The following IFT43 variants were observed in gnomAD, a reference collection of about 807,000 sequenced individuals.
IFT43 encodes the protein intraflagellar transport 43.
In IFT43, 33 loss-of-function variants were observed where a neutral mutation model predicts 32.3. The ratio of observed to expected loss-of-function variants is 1.02; its 90% CI spans 0.77 to 1.37. IFT43 has a LOEUF of 1.37. Ranked by LOEUF, IFT43 falls within the 40% of genes most tolerant of loss-of-function variation. The pLI is 0.00. For synonymous variants in IFT43, 93 were observed against 98.2 expected, an observed-to-expected ratio of 0.95 and a Z score of 0.31; for missense variants, 274 against 265.9, an observed-to-expected ratio of 1.03 and a Z score of -0.21.
At chr14:76,077,958 C>T (rs886980038) in intron 5 of IFT43, among the ~76,000 whole-genome samples, 1 of 152,206 alleles carries the variant, frequency 6.6e-6, no homozygotes, top group African/African-American at 2.4e-5. Context: ...CCTAATCCCA[C>T]ACCCCCAAAT....
In IFT43 at chr14:76,080,208, C is replaced by T. The variant is rs138647516; in HGVS notation, c.296-2087C>T. Reference sequence around the variant, plus strand: ...CATCGCTGGCTCTGTCCCACTCAGGCGGTTCACCGGGTTCTGCTGGGCACC... The same window carrying T: ...CATCGCTGGCTCTGTCCCACTCAGGTGGTTCACCGGGTTCTGCTGGGCACC... On this transcript the variant is annotated intron_variant, in intron 5 of 8. Coordinates refer to ENST00000314067, the MANE Select transcript of IFT43 (RefSeq NM_001102564.3). Among the ~76,000 whole-genome samples, 13 of 152,290 alleles carry T rather than the reference C, an allele frequency of 8.5e-5. No individual in the cohort carries two copies. The East Asian group carries it at 2.5e-3, about 29-fold the overall frequency.
chr14:75,999,262 TATATATATATGTATA>T (rs2035826691), intron 2 of IFT43, among the ~76,000 whole-genome samples: 6 of 25,266 alleles, frequency 2.4e-4, no homozygotes, highest in South Asian at 1.6e-3. Context: ...TATATATATA[TATATATATATGTATA>T]TATATTTTTT....
At chr14:76,060,704 A>G (rs1010734137) in intron 5 of IFT43, among the ~76,000 whole-genome samples, 5 of 152,002 alleles carry the variant, frequency 3.3e-5, no homozygotes, top group Non-Finnish European at 7.4e-5. Flanking sequence ...TGAAAATGTC[A>G]TCTTCAACTT....
In IFT43 at chr14:76,076,689, C is replaced by A. The variant is rs773827561; in HGVS notation, c.296-5606C>A. 4 of 1,614,120 alleles carry A rather than the reference C, an allele frequency of 2.5e-6. No individual in the cohort carries two copies. In the Admixed American group the frequency reaches 6.7e-5, roughly 27 times the overall value. ...TTGGGGCTGGCTTCATTGGAAGAGG[C>A]AGGTAGGCTTTTGACTGTCAGTCTA... On this transcript the variant is annotated intron_variant, in intron 5 of 8. Coordinates refer to ENST00000314067, the MANE Select transcript of IFT43 (RefSeq NM_001102564.3).
At chr14:76,057,999 C>A (rs1468377071) in intron 3 of IFT43, among the ~76,000 whole-genome samples, 1 of 152,172 alleles carries the variant, frequency 6.6e-6, no homozygotes, top group Non-Finnish European at 1.5e-5. Context: ...CCCACCCAGA[C>A]CAGCTGATTC....
At chr14:76,073,171 C>T (rs146949064) in intron 5 of IFT43, among the ~76,000 whole-genome samples, 149 of 152,118 alleles carry the variant, frequency 9.8e-4, no homozygotes, top group Non-Finnish European at 1.7e-3. Context: ...TAGAGTTGCT[C>T]CAGTCTTTGT....
rs371354548 is a variant in IFT43 at position 75,997,211 on chromosome 14, T to C, written c.147+8234T>C. ...GAGCATGGCATGGTGGATTTGTTAA[T>C]GGAGCAGTTGACCATACAGGTGATA... On this transcript the variant is annotated intron_variant, in intron 2 of 8. Transcript: ENST00000314067. Among the ~76,000 whole-genome samples, 187 of 152,324 alleles carry C rather than the reference T, an allele frequency of 1.2e-3. 5 individuals are homozygous for C. In the South Asian group the frequency reaches 0.037, roughly 30 times the overall value.
intron 3 of IFT43, among the ~76,000 whole-genome samples, chr14:76,023,262 T>G (rs2036328309): frequency 6.6e-6 from 1 of 152,204 alleles, no homozygotes; most frequent in African/African-American, 2.4e-5. Context: ...GTAACAGGAA[T>G]GTTGCTGTTG....
chr14:76,083,121 G>A, intron 7 of IFT43, 106 bp from the exon 8 acceptor site: 1 of 1,186,392 alleles, frequency 8.4e-7, no homozygotes, highest in Non-Finnish European at 1.3e-6. Flanking sequence ...GCAGGTCTCA[G>A]TTTGGGAAGT....
chr14:76,059,396 CA>C (rs757118760), intron 5 of IFT43, 23 bp downstream of exon 5: 10 of 1,611,540 alleles, frequency 6.2e-6, no homozygotes, highest in Admixed American at 1.7e-5. Context: ...TGGAGGAAGT[CA>C]AAAGGTCTTC....
chr14:75,990,303 C>A lies in IFT43; in HGVS notation c.147+1326C>A, dbSNP rs529818912. ...GAGGTTAGCACCTGATTAAGAAAAC[C>A]TAATCACCATATGGACTGGATATTA... On this transcript the variant is annotated intron_variant, in intron 2 of 8. Coordinates refer to ENST00000314067, the MANE Select transcript of IFT43 (RefSeq NM_001102564.3). Among the ~76,000 whole-genome samples the A allele has an allele frequency of 2.0e-5, 3 of 152,330 alleles. No individual in the cohort carries two copies. The South Asian group carries it at 6.2e-4, about 32-fold the overall frequency.
intron 5 of IFT43, among the ~76,000 whole-genome samples, chr14:76,072,900 T>C (rs952882558): frequency 6.6e-6 from 1 of 152,184 alleles, no homozygotes; most frequent in Admixed American, 6.5e-5. Context: ...CTGTACATGG[T>C]GTTTCAGCTT....
intron 5 of IFT43, among the ~76,000 whole-genome samples, chr14:76,076,263 T>G (rs370211412): frequency 3.2e-4 from 48 of 152,314 alleles, no homozygotes; most frequent in African/African-American, 1.1e-3. Flanking sequence ...AAGCCAACCG[T>G]TTGTATCATT....
At chr14:75,988,379 T>G (rs1055088785) in intron 1 of IFT43, among the ~76,000 whole-genome samples, 2 of 152,150 alleles carry the variant, frequency 1.3e-5, no homozygotes, top group Non-Finnish European at 2.9e-5. Context: ...TATTTTCCTA[T>G]CAAATAGAAC....
chr14:76,062,785 C>T (rs925378167), intron 5 of IFT43, among the ~76,000 whole-genome samples: 10 of 151,564 alleles, frequency 6.6e-5, no homozygotes, highest in Non-Finnish European at 1.2e-4. Context: ...GGCCTGGTGG[C>T]GGGCACCTGT....
At chr14:76,005,811 C>T (rs966956843) in intron 2 of IFT43, among the ~76,000 whole-genome samples, 9 of 152,182 alleles carry the variant, frequency 5.9e-5, no homozygotes, top group Non-Finnish European at 1.0e-4. Flanking sequence ...CCTTCAGTTT[C>T]TGCCTGCTTT....
chr14:76,082,551 GC>G lies in IFT43; in HGVS notation c.369-63del, dbSNP rs1387905288. On this transcript the variant is annotated intron_variant, in intron 6 of 8. Transcript: ENST00000314067. ...TGTATACAAGGTTCTGGGGACGGTG[GC>G]CCGGCAGCACTCCTGGAACAGGTCC... 8.2e-6 allele frequency: 13 copies of G among 1,581,520 alleles called. No homozygotes were observed. The African/African-American group carries it at 1.7e-4, about 21-fold the overall frequency.
chr14:76,056,265 C>T (rs866493055), intron 3 of IFT43, among the ~76,000 whole-genome samples: 2 of 152,174 alleles, frequency 1.3e-5, no homozygotes, highest in Non-Finnish European at 2.9e-5. Context: ...AGAGAACACG[C>T]CACCTGAGGG....
intron 5 of IFT43, among the ~76,000 whole-genome samples, chr14:76,062,917 C>CAAAAAAAAAAAAAAAAAAAAAAAAA (rs746158153): frequency 2.8e-5 from 2 of 72,474 alleles, no homozygotes; most frequent in African/African-American, 1.2e-4. Flanking sequence ...GATCCCATCT[C>CAAAAAAAAAAAAAAAAAAAAAAAAA]AAAAAAAAAA....
Sources: allele counts gnomAD v4.1 joint callset (sites outside exome capture counted in the v4.1 genomes callset), GRCh38; gene constraint gnomAD v4.1.1; transcripts MANE v1.5; gene names NCBI Gene and HGNC (gene_info 2026-07-23, HGNC 2026-07-21).